Variants in DNM3 observed in about 807,000 individuals in gnomAD.
The protein encoded by DNM3 is dynamin 3.
In DNM3, 47 loss-of-function variants were observed where a neutral mutation model predicts 101.6. The ratio of observed to expected loss-of-function variants is 0.46; its 90% CI spans 0.37 to 0.59. The LOEUF is 0.59. Among genes scored for constraint, DNM3 ranks in the 20% least tolerant of loss-of-function variants. The probability of loss-of-function intolerance (pLI) is 0.00; values close to 1 mark genes in which losing one functional copy is unlikely to be tolerated. For synonymous variants in DNM3, 385 were observed against 387.9 expected (o/e 0.99, Z 0.09); for missense variants, 849 against 1,085.7 (o/e 0.78, Z 3.06).
At position 172,411,199 on chromosome 1, in the gene DNM3, A is replaced by G; in HGVS notation, c.*3358A>G. The G allele has an allele frequency of 1.0e-6, 1 of 985,278 alleles. No individual in the cohort carries two copies. The highest frequency in any genetic ancestry group is 4.7e-5 in the South Asian group (1 of 21,288). 61.0% of individuals were successfully genotyped at this position (985,278 alleles called of 1,614,324 possible). ...GTGATAATACAACAGATAGCTTTGA[A>G]TGATCTGCCATAACATGTGGTAACA... On this transcript the variant is annotated 3_prime_UTR_variant, in exon 21 of 21. Coordinates refer to ENST00000627582, the MANE Select transcript of DNM3 (RefSeq NM_015569.5).
At chr1:171,875,782 C>A (rs549332421) in intron 1 of DNM3, among the ~76,000 whole-genome samples, 2 of 147,456 alleles carry the variant, frequency 1.4e-5, no homozygotes, top group Non-Finnish European at 3.0e-5. Flanking sequence ...TAAATAAATA[C>A]CCCAGCAAGT....
At chr1:172,117,642 T>G (rs1362831186) in intron 13 of DNM3, among the ~76,000 whole-genome samples, 1 of 152,208 alleles carries the variant, frequency 6.6e-6, no homozygotes, top group African/African-American at 2.4e-5. Flanking sequence ...TTAGGTATGT[T>G]TTTATCAGCA....
At chr1:172,059,960 C>A (rs1016835234) in intron 10 of DNM3, among the ~76,000 whole-genome samples, 70 of 147,362 alleles carry the variant, frequency 4.8e-4, no homozygotes, top group African/African-American at 1.7e-3. Flanking sequence ...TTGTCTCAGC[C>A]CAAAATCTCC....
chr1:172,304,282 G>A (rs146067332), intron 15 of DNM3, among the ~76,000 whole-genome samples: 3,418 of 141,050 alleles, frequency 0.024, 78 homozygotes, highest in East Asian at 0.11. Flanking sequence ...GATCAAAAGA[G>A]ACAAAGAAGG....
intron 17 of DNM3, among the ~76,000 whole-genome samples, chr1:172,338,308 G>A (rs1452721087): frequency 1.3e-5 from 2 of 152,180 alleles, no homozygotes; most frequent in Non-Finnish European, 2.9e-5. Flanking sequence ...CAGCCAGAGT[G>A]TAAATTACAA....
rs145938619 is a variant in DNM3 at position 172,277,659 on chromosome 1, A to T, written c.1769+23977A>T. Reference sequence around the variant, plus strand: ...CAAAAAAAGGTGTAATATAACCAGAAAAGATTCTGTAAATAATAATTAAAA... The same window carrying T: ...CAAAAAAAGGTGTAATATAACCAGATAAGATTCTGTAAATAATAATTAAAA... On this transcript the variant is annotated intron_variant, in intron 15 of 20. Transcript: ENST00000627582. 7.6e-3 allele frequency among the ~76,000 whole-genome samples: 1,156 copies of T among 152,218 alleles called. 13 individuals carry two copies. The highest frequency in any genetic ancestry group is 0.026 in the African/African-American group (1,072 of 41,554).
chr1:172,157,142 CAG>C (rs1029862138), intron 14 of DNM3, among the ~76,000 whole-genome samples: 1 of 152,002 alleles, frequency 6.6e-6, no homozygotes, highest in Non-Finnish European at 1.5e-5. Context: ...AACGTAGAAT[CAG>C]GGGGAACCCT....
chr1:172,375,005 C>A (rs1244747179), intron 17 of DNM3, among the ~76,000 whole-genome samples: 1 of 151,986 alleles, frequency 6.6e-6, no homozygotes, highest in East Asian at 1.9e-4. Flanking sequence ...TTTAAAATTT[C>A]TTTACAGTTA....
At chr1:172,319,116 T>C (rs1224101464) in intron 16 of DNM3, among the ~76,000 whole-genome samples, 25 of 152,244 alleles carry the variant, frequency 1.6e-4, no homozygotes, top group Middle Eastern at 3.4e-3. Flanking sequence ...TTGACAAACC[T>C]GAGAAAAACA....
intron 14 of DNM3, among the ~76,000 whole-genome samples, chr1:172,159,527 A>G (rs2058468591): frequency 6.6e-6 from 1 of 152,088 alleles, no homozygotes; most frequent in Non-Finnish European, 1.5e-5. Flanking sequence ...TGCTAAGTTG[A>G]TTTTCATGAA....
chr1:172,068,825 A>T lies in DNM3; in HGVS notation c.1342A>T (p.Asn448Tyr). 1 of 1,569,870 alleles carries T rather than the reference A, an allele frequency of 6.4e-7. No individual in the cohort carries two copies. Among genetic ancestry groups the T allele is most frequent in the Non-Finnish European group, 8.6e-7 (1 of 1,156,562 alleles). The change falls in exon 11 of 21, where the codon AAC becomes TAC. Residue 448 changes from asparagine (N) to tyrosine (Y), a missense_variant. Physicochemically the swap from Asn to Tyr is moderately radical, Grantham distance 143. This residue lies in a region of DNM3 where 193 missense variants were observed against 238.4 expected (regional missense o/e 0.81). Transcript: ENST00000627582. ...TVKKCTKKLA[N>Y]FPRLCEETER... Reference sequence around the variant, plus strand: ...GATCTGCTTTTCTTGACAGCTGGCAAACTTCCCCAGACTCTGCGAGGAAAC... The same window carrying T: ...GATCTGCTTTTCTTGACAGCTGGCATACTTCCCCAGACTCTGCGAGGAAAC...
At chr1:172,009,249 C>T (rs1057453014) in intron 4 of DNM3, among the ~76,000 whole-genome samples, 1 of 147,398 alleles carries the variant, frequency 6.8e-6, no homozygotes, top group African/African-American at 2.5e-5. Context: ...GTGTATCTAA[C>T]CCTATGCCAA....
intron 16 of DNM3, among the ~76,000 whole-genome samples, chr1:172,318,732 A>G (rs564469375): frequency 9.6e-4 from 146 of 152,336 alleles, no homozygotes; most frequent in African/African-American, 3.5e-3. Flanking sequence ...TCAATGAAAT[A>G]AAAGAGGACA....
intron 14 of DNM3, among the ~76,000 whole-genome samples, chr1:172,159,837 G>A (rs1215872471): frequency 6.6e-6 from 1 of 151,940 alleles, no homozygotes; most frequent in African/African-American, 2.4e-5. Flanking sequence ...TGCATCCTTA[G>A]GTGATTTCAT....
chr1:172,244,443 G>A (rs1364729498), intron 14 of DNM3, among the ~76,000 whole-genome samples: 5 of 151,460 alleles, frequency 3.3e-5, no homozygotes, highest in East Asian at 3.9e-4. Context: ...GAAAATTTTC[G>A]CAACCTACTC....
intron 20 of DNM3, among the ~76,000 whole-genome samples, chr1:172,402,020 C>A (rs2070527291): frequency 6.6e-6 from 1 of 152,176 alleles, no homozygotes. Context: ...CCCGATTTAT[C>A]TTTGGGCCCA....
intron 2 of DNM3, among the ~76,000 whole-genome samples, chr1:171,924,119 T>A (rs1219969172): frequency 6.6e-6 from 1 of 152,152 alleles, no homozygotes; most frequent in Non-Finnish European, 1.5e-5. Context: ...TTTGCTGTTG[T>A]GAATAGTGCT....
At chr1:172,314,046 TG>T (rs1336244117) in intron 16 of DNM3, among the ~76,000 whole-genome samples, 1 of 151,746 alleles carries the variant, frequency 6.6e-6, no homozygotes, top group Non-Finnish European at 1.5e-5. Flanking sequence ...GAATGTAGTG[TG>T]GCAACTCCTC....
intron 10 of DNM3, among the ~76,000 whole-genome samples, chr1:172,053,231 T>G (rs1394621550): frequency 6.6e-6 from 1 of 152,178 alleles, no homozygotes; most frequent in Non-Finnish European, 1.5e-5. Flanking sequence ...TGATTTGCAC[T>G]ATCCTCAAAG....
Sources: allele counts gnomAD v4.1 joint callset (sites outside exome capture counted in the v4.1 genomes callset), GRCh38; gene constraint gnomAD v4.1.1; regional missense constraint gnomAD v4.1.1; transcripts MANE v1.5; gene names NCBI Gene and HGNC (gene_info 2026-07-23, HGNC 2026-07-21).